The following DMD variants were observed in gnomAD, a reference collection of about 807,000 sequenced individuals.
DMD encodes dystrophin.
DMD carries 63 observed loss-of-function variants against 330.1 expected under a neutral mutation model. The ratio of observed to expected loss-of-function variants is 0.19; its 90% confidence interval spans 0.16 to 0.24. DMD has a LOEUF of 0.24. DMD is among the 10% of genes least tolerant of loss of function. DMD has a pLI of 1.00. For synonymous variants in DMD, 1,223 were observed against 959.8 expected, an observed-to-expected ratio of 1.27 and a Z score of -5.07; for missense variants, 3,344 against 2,684.1, an observed-to-expected ratio of 1.25 and a Z score of -5.43.
chrX:31,626,390 G>T (rs1234578159), intron 55 of DMD, among the ~76,000 whole-genome samples: 1 of 111,696 alleles, frequency 9.0e-6, no homozygotes, highest in Non-Finnish European at 1.9e-5. Context: ...ATATATTACA[G>T]TGGTACATTG....
intron 2 of DMD, among the ~76,000 whole-genome samples, chrX:33,003,890 G>A (rs889679338): frequency 8.9e-6 from 1 of 112,429 alleles, no homozygotes; most frequent in Non-Finnish European, 1.9e-5. Context: ...TGTTTCAGAA[G>A]TAAGTTATGA....
At chrX:32,950,750 G>A (rs939315647) in intron 2 of DMD, among the ~76,000 whole-genome samples, 1 of 111,239 alleles carries the variant, frequency 9.0e-6, no homozygotes, top group African/African-American at 3.3e-5. Context: ...CAGAAGGACC[G>A]GAGACAGGTA....
At chrX:32,694,846 G>A (rs1270270427) in intron 9 of DMD, among the ~76,000 whole-genome samples, 1 of 110,887 alleles carries the variant, frequency 9.0e-6, no homozygotes, top group Non-Finnish European at 1.9e-5. Flanking sequence ...AGTAGAGATG[G>A]GGTTTTACCA....
intron 1 of DMD, among the ~76,000 whole-genome samples, chrX:33,234,495 G>A (rs1361684708): frequency 9.0e-6 from 1 of 111,273 alleles, no homozygotes; most frequent in East Asian, 2.8e-4. Context: ...AACTCACTGA[G>A]TTACAAATGA....
At chrX:32,762,660 GAGA>G (rs2072471506) in intron 7 of DMD, among the ~76,000 whole-genome samples, 1 of 110,326 alleles carries the variant, frequency 9.1e-6, no homozygotes, top group South Asian at 4.0e-4. Context: ...TATAAAGAGG[GAGA>G]AGAAGTATGT....
At chrX:32,039,946 T>A (rs16998255) in intron 44 of DMD, among the ~76,000 whole-genome samples, 10,259 of 111,109 alleles carry the variant, frequency 0.092, 982 homozygotes, top group African/African-American at 0.28. Context: ...ACCTCAGAAG[T>A]AAACACATTT....
chrX:31,563,808 T>C (rs1237430724), intron 55 of DMD, among the ~76,000 whole-genome samples: 1 of 112,371 alleles, frequency 8.9e-6, no homozygotes, highest in Non-Finnish European at 1.9e-5. Context: ...CAATATGTAG[T>C]CATTAAACTA....
intron 1 of DMD, among the ~76,000 whole-genome samples, chrX:33,292,694 AG>A (rs1322122926): frequency 9.0e-6 from 1 of 111,355 alleles, no homozygotes; most frequent in African/African-American, 3.3e-5. Flanking sequence ...AAAAAAAGAA[AG>A]AAAATATACA....
At chrX:33,169,977 C>A (rs753336936) in intron 1 of DMD, among the ~76,000 whole-genome samples, 53 of 111,100 alleles carry the variant, frequency 4.8e-4, no homozygotes, top group Non-Finnish European at 8.4e-4. Flanking sequence ...GCCAGATTAA[C>A]AAACACCCTG....
intron 1 of DMD, among the ~76,000 whole-genome samples, chrX:33,097,607 C>CTTTTTT (rs5902054): frequency 1.2e-4 from 7 of 59,631 alleles, no homozygotes; most frequent in Admixed American, 2.8e-4. Context: ...ACATGAGACT[C>CTTTTTT]TTTTTTTTTT....
intron 12 of DMD, among the ~76,000 whole-genome samples, chrX:32,597,607 A>G (rs1004981740): frequency 8.9e-5 from 10 of 111,893 alleles, no homozygotes; most frequent in Non-Finnish European, 1.9e-4. Context: ...TTTCTAACTT[A>G]CAAATGTGGC....
At chrX:32,295,054 G>A (rs896710504) in intron 42 of DMD, among the ~76,000 whole-genome samples, 9 of 111,377 alleles carry the variant, frequency 8.1e-5, no homozygotes, top group African/African-American at 2.9e-4. Context: ...AAATGATAAA[G>A]TACCAACTTT....
intron 55 of DMD, among the ~76,000 whole-genome samples, chrX:31,556,995 AAAAT>A (rs1278718196): frequency 8.9e-6 from 1 of 112,366 alleles, no homozygotes; most frequent in Non-Finnish European, 1.9e-5. Context: ...ACGAAGATGA[AAAAT>A]ACATTCTCAG....
chrX:33,161,220 A>T (rs1033721822), intron 1 of DMD, among the ~76,000 whole-genome samples: 1 of 111,578 alleles, frequency 9.0e-6, no homozygotes, highest in African/African-American at 3.3e-5. Context: ...CATTTATATC[A>T]TTTATTGAGC....
chrX:32,184,986 T>C (rs113029469), intron 44 of DMD, among the ~76,000 whole-genome samples: 264 of 110,243 alleles, frequency 2.4e-3, no homozygotes, highest in African/African-American at 8.3e-3. Flanking sequence ...TGAGGACAGC[T>C]GTTTTAAGAA....
intron 4 of DMD, among the ~76,000 whole-genome samples, chrX:32,824,091 A>T (rs1222763863): frequency 8.9e-6 from 1 of 112,180 alleles, no homozygotes; most frequent in African/African-American, 3.2e-5. Context: ...GGTTAAAATT[A>T]AAAAATAGTG....
chrX:31,275,168 T>A (rs2052004358), intron 62 of DMD, among the ~76,000 whole-genome samples: 1 of 105,821 alleles, frequency 9.4e-6, no homozygotes, highest in African/African-American at 3.5e-5. Context: ...TGTGTGTGTG[T>A]GTGTGTGTGT....
intron 25 of DMD, among the ~76,000 whole-genome samples, chrX:32,455,234 G>C (rs1348573916): frequency 4.5e-5 from 5 of 110,786 alleles, no homozygotes; most frequent in Non-Finnish European, 9.5e-5. Flanking sequence ...AATATTCTAA[G>C]AACTTCATAA....
intron 7 of DMD, among the ~76,000 whole-genome samples, chrX:32,719,907 G>T (rs2066099749): frequency 9.1e-6 from 1 of 109,310 alleles, no homozygotes; most frequent in African/African-American, 3.3e-5. Context: ...TGTTATCCCA[G>T]CTTGCATGTG....
Sources: gnomAD v4.1 joint callset for allele counts (sites outside exome capture counted in the v4.1 genomes callset) on GRCh38, gnomAD v4.1.1 for gene constraint, MANE v1.5 for transcripts, NCBI Gene and HGNC (gene_info 2026-07-23, HGNC 2026-07-21) for gene names.